The following GABRA3 variants were observed in gnomAD, a reference collection of about 807,000 sequenced individuals.
The protein encoded by GABRA3 is gamma-aminobutyric acid type A receptor subunit alpha3, also known as gamma-aminobutyric acid receptor subunit alpha-3.
A neutral mutation model predicts 30.1 loss-of-function variants in GABRA3; 10 were observed. The observed-to-expected ratio is 0.33, with a 90% CI of 0.20 to 0.56. GABRA3 has a LOEUF of 0.56. Ranked by LOEUF, GABRA3 falls within the 20% of genes least tolerant of loss-of-function variation. GABRA3 has a pLI of 0.89. For missense variants in GABRA3, 233 were observed against 392.0 expected, an observed-to-expected ratio of 0.59 and a Z score of 3.42; for synonymous variants, 151 against 146.8, an observed-to-expected ratio of 1.03 and a Z score of -0.21.
At chrX:152,422,502 T>C (rs919939867) in intron 1 of GABRA3, among the ~76,000 whole-genome samples, 1 of 110,853 alleles carries the variant, frequency 9.0e-6, no homozygotes, top group Non-Finnish European at 1.9e-5. Context: ...CAAAAATTCA[T>C]TGCGCTGTAC....
At chrX:152,294,816 G>A (rs904641940) in intron 3 of GABRA3, among the ~76,000 whole-genome samples, 3 of 111,528 alleles carry the variant, frequency 2.7e-5, no homozygotes, top group Non-Finnish European at 5.7e-5. Flanking sequence ...GGGTTTTGGT[G>A]TGGATGTTCT....
At chrX:152,250,758 C>G in intron 5 of GABRA3, 1 of 115,900 alleles carries the variant, frequency 8.6e-6, no homozygotes, top group Non-Finnish European at 1.8e-5. Flanking sequence ...TTCTAAACTG[C>G]CCTAGTTACA....
chrX:152,183,499 A>C (rs1249787623), intron 9 of GABRA3, among the ~76,000 whole-genome samples: 5 of 107,405 alleles, frequency 4.7e-5, no homozygotes, highest in Admixed American at 1.0e-4. Flanking sequence ...TGAAAAAAAA[A>C]CACATCTTAG....
chrX:152,228,011 AG>A (rs1191747571), intron 5 of GABRA3, among the ~76,000 whole-genome samples: 1 of 111,813 alleles, frequency 8.9e-6, no homozygotes, highest in Admixed American at 9.5e-5. Flanking sequence ...TAAGAAAAGA[AG>A]GAAGAACCAG....
intron 3 of GABRA3, among the ~76,000 whole-genome samples, chrX:152,309,599 G>C (rs941144761): frequency 9.0e-6 from 1 of 111,621 alleles, no homozygotes; most frequent in African/African-American, 3.3e-5. Flanking sequence ...AATGCTAAGG[G>C]AATTCATTCC....
chrX:152,181,026 T>C (rs1055135804), intron 9 of GABRA3, among the ~76,000 whole-genome samples: 1 of 111,869 alleles, frequency 8.9e-6, no homozygotes, highest in Admixed American at 9.6e-5. Flanking sequence ...TCAGAGTATT[T>C]TGTGGTTCCA....
chrX:152,315,041 T>C (rs2124462330), intron 3 of GABRA3, among the ~76,000 whole-genome samples: 1 of 111,377 alleles, frequency 9.0e-6, no homozygotes, highest in South Asian at 3.9e-4. Context: ...CAGAGCAGCA[T>C]GTGGAGACTC....
chrX:152,182,595 A>G (rs1414501989), intron 9 of GABRA3, among the ~76,000 whole-genome samples: 1 of 50,673 alleles, frequency 2.0e-5, no homozygotes, highest in African/African-American at 8.1e-5. Context: ...GTATATACAC[A>G]CTATATATAC....
intron 7 of GABRA3, 46 bp downstream of exon 7, chrX:152,207,955 T>C: frequency 9.1e-7 from 1 of 1,102,247 alleles, no homozygotes; most frequent in Non-Finnish European, 1.2e-6. Flanking sequence ...GACTGGCATG[T>C]GGTATAGGTT....
intron 1 of GABRA3, among the ~76,000 whole-genome samples, chrX:152,370,362 A>G (rs1928803499): frequency 8.9e-6 from 1 of 112,036 alleles, no homozygotes; most frequent in African/African-American, 3.2e-5. Context: ...GTTGTTACCC[A>G]GATACTACAA....
Position 152,224,831 on chromosome X carries a change from G to A in GABRA3, c.566C>T (p.Ala189Val). Reference sequence around the variant, plus strand: ...ATCTTCCAAATGCATGGGACACTCAGCATGAATTGTTAACCTAAAAGAAAG... The same window carrying A: ...ATCTTCCAAATGCATGGGACACTCAACATGAATTGTTAACCTAAAAGAAAG... ...LLYTMRLTIHAECPMHLEDFP... is the reference protein window; with the variant it reads ...LLYTMRLTIHVECPMHLEDFP... The change falls in exon 6 of 10, where the codon GCT becomes GTT. Residue 189 changes from alanine (A) to valine (V), a missense_variant. Ala to Val is a moderately conservative substitution (Grantham distance 64). Transcript: ENST00000370314. The A allele has an allele frequency of 8.5e-7, 1 of 1,179,231 alleles. No homozygotes were observed. The highest frequency in any genetic ancestry group is 1.1e-6 in the Non-Finnish European group (1 of 872,576).
At chrX:152,374,253 G>A (rs1348961894) in intron 1 of GABRA3, among the ~76,000 whole-genome samples, 1 of 108,250 alleles carries the variant, frequency 9.2e-6, no homozygotes, top group Non-Finnish European at 1.9e-5. Context: ...TAGGTTGTCT[G>A]TTCACTCTGA....
intron 3 of GABRA3, among the ~76,000 whole-genome samples, chrX:152,337,744 A>C (rs1308324774): frequency 2.7e-5 from 3 of 111,907 alleles, no homozygotes; most frequent in Non-Finnish European, 5.6e-5. Context: ...CCGTGAGCCC[A>C]GGAAATCAAG....
At chrX:152,377,223 G>A (rs1378682521) in intron 1 of GABRA3, among the ~76,000 whole-genome samples, 1 of 111,154 alleles carries the variant, frequency 9.0e-6, no homozygotes, top group African/African-American at 3.3e-5. Context: ...TCTTCTGTGA[G>A]GTATATATAG....
intron 3 of GABRA3, among the ~76,000 whole-genome samples, chrX:152,285,907 GTACTATATAGTACTTATA>G (rs746085890): frequency 9.3e-4 from 99 of 105,990 alleles, no homozygotes; most frequent in Non-Finnish European, 1.6e-3. Context: ...ATAGTATTAA[GTACTATATAGTACTTATA>G]TACTATATAG....
At chrX:152,224,139 ACTCT>A (rs34430372) in intron 6 of GABRA3, among the ~76,000 whole-genome samples, 5,245 of 111,746 alleles carry the variant, frequency 0.047, 309 homozygotes, top group African/African-American at 0.16. Context: ...TACTCTGATG[ACTCT>A]CTATGTGAAA....
intron 9 of GABRA3, among the ~76,000 whole-genome samples, chrX:152,184,188 G>A (rs1052845236): frequency 8.2e-5 from 9 of 110,409 alleles, no homozygotes; most frequent in Admixed American, 1.9e-4. Flanking sequence ...TTTTTCTTAC[G>A]TTCTCTTTAA....
chrX:152,309,532 T>C (rs1252001141), intron 3 of GABRA3, among the ~76,000 whole-genome samples: 1 of 110,903 alleles, frequency 9.0e-6, no homozygotes, highest in Non-Finnish European at 1.9e-5. Flanking sequence ...GATTTTTATA[T>C]CCAGCCAAAT....
rs764408295 is a variant in GABRA3 at position 152,349,185 on chromosome X, C to A, written c.141-3483G>T. 1.3e-4 allele frequency among the ~76,000 whole-genome samples: 14 copies of A among 111,066 alleles called. No homozygotes were observed. In the South Asian group the frequency reaches 1.5e-3, roughly 12 times the overall value. ...ACAGCATCTTTACTAGGAGTAGATTCCTTATCAAGAAATCACTCTCATTGC... is the reference window on the plus strand; with the variant it reads ...ACAGCATCTTTACTAGGAGTAGATTACTTATCAAGAAATCACTCTCATTGC... On this transcript the variant is annotated intron_variant, in intron 2 of 9. Coordinates refer to ENST00000370314, the MANE Select transcript of GABRA3 (RefSeq NM_000808.4).
Sources: gnomAD v4.1 joint callset for allele counts (sites outside exome capture counted in the v4.1 genomes callset) on GRCh38, gnomAD v4.1.1 for gene constraint, MANE v1.5 for transcripts, NCBI Gene and HGNC (gene_info 2026-07-23, HGNC 2026-07-21) for gene names.